SPINK5: variants seen among roughly 807,000 people sequenced by gnomAD.
SPINK5 encodes the protein serine peptidase inhibitor Kazal type 5, also known as serine protease inhibitor Kazal-type 5.
In SPINK5, 125 loss-of-function variants were observed where a neutral mutation model predicts 151.8. That is an observed-to-expected ratio of 0.82 (90% CI 0.71 to 0.96). The LOEUF (loss-of-function observed/expected upper bound fraction) is 0.96. Among genes scored for constraint, SPINK5 ranks in the 40% least tolerant of loss-of-function variants. SPINK5 has a pLI of 0.00. For missense variants in SPINK5, 1,194 were observed against 1,291.9 expected, an observed-to-expected ratio of 0.92 and a Z score of 1.16; for synonymous variants, 374 against 395.3, an observed-to-expected ratio of 0.95 and a Z score of 0.64.
intron 4 of SPINK5, among the ~76,000 whole-genome samples, chr5:148,078,590 T>A (rs1369361210): frequency 6.6e-6 from 1 of 150,778 alleles, no homozygotes; most frequent in Non-Finnish European, 1.5e-5. Flanking sequence ...TATTTTTTTT[T>A]AACCACAACA....
chr5:148,073,043 G>A (rs1333845255), intron 4 of SPINK5, among the ~76,000 whole-genome samples: 1 of 151,794 alleles, frequency 6.6e-6, no homozygotes. Context: ...TTGGGGTCCA[G>A]ATTGGTGGAA....
At chr5:148,085,578 G>A (rs1008934945) in intron 4 of SPINK5, among the ~76,000 whole-genome samples, 1 of 151,906 alleles carries the variant, frequency 6.6e-6, no homozygotes, top group Non-Finnish European at 1.5e-5. Flanking sequence ...AAAGTGAGGT[G>A]CAAAGAGGTG....
At chr5:148,122,562 G>C (rs78333806) in intron 26 of SPINK5, among the ~76,000 whole-genome samples, 2 of 148,970 alleles carry the variant, frequency 1.3e-5, no homozygotes, top group Non-Finnish European at 3.0e-5. Context: ...GATCCTATCT[G>C]TAGACTCGGT....
At chr5:148,109,286 C>T (rs1455463501) in intron 18 of SPINK5, among the ~76,000 whole-genome samples, 1 of 152,040 alleles carries the variant, frequency 6.6e-6, no homozygotes, top group Non-Finnish European at 1.5e-5. Context: ...CATTCTTTAA[C>T]ATCTCACATG....
chr5:148,124,538 A>T lies in SPINK5; in HGVS notation c.2667-227A>T, dbSNP rs1754378284. Among the ~76,000 whole-genome samples, 3 of 152,328 alleles carry T rather than the reference A, an allele frequency of 2.0e-5. No individual in the cohort carries two copies. The South Asian group carries it at 6.2e-4, about 32-fold the overall frequency. ...ATCATATTTTTCTGGATAAGAGTAT[A>T]GTAACAGCATCTATGAAAGTTGATA... is the stretch of plus-strand genomic sequence containing the variant. On this transcript the variant is annotated intron_variant, in intron 27 of 32. Coordinates refer to ENST00000256084, the MANE Select transcript of SPINK5 (RefSeq NM_006846.4).
intron 19 of SPINK5, among the ~76,000 whole-genome samples, chr5:148,112,408 C>T (rs1391577525): frequency 2.0e-5 from 3 of 152,150 alleles, no homozygotes; most frequent in Admixed American, 2.0e-4. Context: ...GGTGTGGTGG[C>T]TCATGCCTGT....
rs1424483418 is a variant in SPINK5 at position 148,094,410 on chromosome 5, G to A, written c.723G>A (p.Arg241=). ...GAAATGGAAGGCTTTTTTGTACACG[G>A]GAGAGTGATCCAGTCCGTGGCCCTG... ...QVRNGRLFCT[R]ESDPVRGPDG... Residue 241 remains arginine (R), a synonymous_variant, in exon 9 of 33, where the codon CGG becomes CGA. Transcript: ENST00000256084. 3.1e-6 allele frequency: 5 copies of A among 1,612,818 alleles called. No homozygotes were observed. Among genetic ancestry groups the A allele is most frequent in the Non-Finnish European group, 3.4e-6 (4 of 1,179,154 alleles).
At chr5:148,077,124 A>G (rs1304961173) in intron 4 of SPINK5, among the ~76,000 whole-genome samples, 2 of 151,382 alleles carry the variant, frequency 1.3e-5, no homozygotes, top group East Asian at 2.0e-4. Flanking sequence ...AAGAAACTCA[A>G]TACACCCCAA....
intron 24 of SPINK5, among the ~76,000 whole-genome samples, chr5:148,119,341 C>T (rs551739164): frequency 5.3e-5 from 8 of 152,192 alleles, no homozygotes; most frequent in African/African-American, 1.4e-4. Context: ...AACCTTATTT[C>T]GTAGATAGGG....
intron 15 of SPINK5, among the ~76,000 whole-genome samples, chr5:148,104,387 C>T (rs1175484037): frequency 6.6e-6 from 1 of 152,144 alleles, no homozygotes; most frequent in African/African-American, 2.4e-5. Context: ...TAAGAAAGTA[C>T]TATTGCAGTA....
chr5:148,074,069 T>G (rs1752819236), intron 4 of SPINK5, among the ~76,000 whole-genome samples: 1 of 151,822 alleles, frequency 6.6e-6, no homozygotes, highest in South Asian at 2.1e-4. Context: ...CCATGTGTTT[T>G]TTGTTGTTGT....
chr5:148,068,386 C>A (rs1259015060), intron 2 of SPINK5, among the ~76,000 whole-genome samples: 1 of 151,818 alleles, frequency 6.6e-6, no homozygotes, highest in Non-Finnish European at 1.5e-5. Flanking sequence ...CATTATTCAT[C>A]CAGGCAAGTA....
intron 26 of SPINK5, 27 bp from the exon 27 acceptor site, chr5:148,123,806 A>G: frequency 6.2e-7 from 1 of 1,613,782 alleles, no homozygotes; most frequent in Non-Finnish European, 8.5e-7. Flanking sequence ...CCATGACAGT[A>G]ACAACTTTTT....
chr5:148,130,496 G>A lies in SPINK5; in HGVS notation c.2965-763G>A, dbSNP rs571706078. Among the ~76,000 whole-genome samples the A allele has an allele frequency of 4.6e-5, 7 of 151,410 alleles. No individual in the cohort carries two copies. In the South Asian group the frequency reaches 1.5e-3, roughly 32 times the overall value. On this transcript the variant is annotated intron_variant, in intron 30 of 32. Coordinates refer to ENST00000256084, the MANE Select transcript of SPINK5 (RefSeq NM_006846.4). ...TTTTGAATACTTTTTTTATATTTTGGCTCTACTTTTTGCCTTTTTAAAAAA... is the reference window on the plus strand; with the variant it reads ...TTTTGAATACTTTTTTTATATTTTGACTCTACTTTTTGCCTTTTTAAAAAA...
rs371829387 is a variant in SPINK5 at position 148,118,442 on chromosome 5, A to G, written c.2118A>G (p.Glu706=). Residue 706 remains glutamate (E), a synonymous_variant, in exon 23 of 33, where the codon GAA becomes GAG. Coordinates refer to ENST00000256084, the MANE Select transcript of SPINK5 (RefSeq NM_006846.4). ...SGGGGGNTQD[E]CAEYREQMKN... is the part of the protein sequence containing the mutation. ...TCGTTCTTCTCTGTTTTCAGGACGA[A>G]TGTGCTGAGTATCGGGAACAAATGA... The G allele has an allele frequency of 3.7e-6, 6 of 1,614,018 alleles. No homozygotes were observed. Among genetic ancestry groups the G allele is most frequent in the Non-Finnish European group, 5.1e-6 (6 of 1,179,998 alleles).
Position 148,100,526 on chromosome 5 carries a change from C to A in SPINK5, c.1165C>A (p.Gln389Lys). The change falls in exon 13 of 33, where the codon CAG becomes AAG. Residue 389 changes from glutamine to lysine, a missense_variant. Coordinates refer to ENST00000256084, the MANE Select transcript of SPINK5 (RefSeq NM_006846.4). ...LACTRENDPI[Q>K]GPDGKVHGNT... is the part of the protein sequence containing the mutation. ...TTGCACCAGAGAGAACGATCCTATCCAGGGCCCAGATGGGAAAGTGCATGG... is the reference window on the plus strand; with the variant it reads ...TTGCACCAGAGAGAACGATCCTATCAAGGGCCCAGATGGGAAAGTGCATGG... 1 of 1,613,252 alleles carries A rather than the reference C, an allele frequency of 6.2e-7. No homozygotes were observed. Among genetic ancestry groups the A allele is most frequent in the Non-Finnish European group, 8.5e-7 (1 of 1,179,446 alleles).
intron 30 of SPINK5, among the ~76,000 whole-genome samples, chr5:148,130,710 G>T (rs1192868222): frequency 6.6e-6 from 1 of 152,092 alleles, no homozygotes; most frequent in Admixed American, 6.6e-5. Context: ...GAACTTACAT[G>T]CATTATCTGT....
intron 15 of SPINK5, among the ~76,000 whole-genome samples, chr5:148,104,545 T>C (rs981422284): frequency 3.9e-5 from 6 of 152,172 alleles, no homozygotes; most frequent in Admixed American, 2.0e-4. Context: ...TGTTTGAGAA[T>C]AGTCAAAACA....
At chr5:148,120,728 T>A (rs1303366083) in intron 26 of SPINK5, among the ~76,000 whole-genome samples, 2 of 152,172 alleles carry the variant, frequency 1.3e-5, no homozygotes, top group Non-Finnish European at 2.9e-5. Context: ...GGAGCTCAAG[T>A]CTCAGCCTCC....
Sources: allele counts gnomAD v4.1 joint callset (sites outside exome capture counted in the v4.1 genomes callset), GRCh38; gene constraint gnomAD v4.1.1; transcripts MANE v1.5; gene names NCBI Gene and HGNC (gene_info 2026-07-23, HGNC 2026-07-21).